The following SUN1 variants were observed in gnomAD, a reference collection of about 807,000 sequenced individuals.
SUN1 encodes Sad1 and UNC84 domain containing 1.
SUN1 carries 61 observed loss-of-function variants against 103.2 expected under a neutral mutation model. That is an observed-to-expected ratio of 0.59 (90% CI 0.48 to 0.73). The LOEUF is 0.73. Among genes scored for constraint, SUN1 ranks in the 30% least tolerant of loss-of-function variants. The probability of loss-of-function intolerance (pLI) is 0.00; values close to 1 mark genes in which losing one functional copy is unlikely to be tolerated. For missense variants in SUN1, 1,052 were observed against 1,034.6 expected, an observed-to-expected ratio of 1.02 and a Z score of -0.23; for synonymous variants, 490 against 425.7, an observed-to-expected ratio of 1.15 and a Z score of -1.86.
intron 17 of SUN1, 33 bp downstream of exon 17, chr7:869,549 C>T (rs1175206344): frequency 6.2e-7 from 1 of 1,602,054 alleles, no homozygotes; most frequent in East Asian, 2.2e-5. Flanking sequence ...CCTCCTCCCA[C>T]ACCTTCCTGG....
intron 12 of SUN1, 53 bp downstream of exon 12, chr7:856,454 A>G: frequency 6.2e-7 from 1 of 1,600,800 alleles, no homozygotes; most frequent in Non-Finnish European, 8.6e-7. Context: ...GTGTGTGGTT[A>G]TGTGGAGCGG....
At chr7:864,727 C>G (rs1368453622) in intron 15 of SUN1, among the ~76,000 whole-genome samples, 1 of 28,058 alleles carries the variant, frequency 3.6e-5, no homozygotes, top group African/African-American at 1.1e-4. Flanking sequence ...CTCCCGGCTT[C>G]AAGCAATTCT....
chr7:849,867 T>G (rs1584803632), intron 5 of SUN1: 1 of 1,537,278 alleles, frequency 6.5e-7, no homozygotes, highest in Middle Eastern at 1.7e-4. Context: ...ACGGCTGAGA[T>G]GGACAGAGTT....
At chr7:832,010 C>A, upstream of SUN1, 1 of 986,150 alleles carries the variant, frequency 1.0e-6, no homozygotes, top group Non-Finnish European at 1.2e-6. Context: ...TTTTGTTATT[C>A]ACCCTGCAGT....
chr7:829,252 T>C (rs1795671484), upstream of SUN1, among the ~76,000 whole-genome samples: 2 of 152,228 alleles, frequency 1.3e-5, no homozygotes, highest in African/African-American at 4.8e-5. Context: ...CGAGGCAGCC[T>C]CCTCTTCACA....
chr7:843,176 ATGTG>A (rs201385879), intron 3 of SUN1, 26 bp from the exon 4 acceptor site: 6 of 1,576,896 alleles, frequency 3.8e-6, no homozygotes, highest in Admixed American at 3.5e-5. Flanking sequence ...AACAGCAAAA[ATGTG>A]TGTGTGTGTG....
intron 1 of SUN1, among the ~76,000 whole-genome samples, chr7:820,880 T>C (rs983535125): frequency 1.3e-5 from 2 of 152,186 alleles, no homozygotes; most frequent in African/African-American, 4.8e-5. Flanking sequence ...TCTTACACCC[T>C]CACTTCCAAT....
chr7:822,723 A>G (rs1296577731), intron 1 of SUN1, among the ~76,000 whole-genome samples: 1 of 152,238 alleles, frequency 6.6e-6, no homozygotes, highest in Non-Finnish European at 1.5e-5. Flanking sequence ...GTATTCCAGA[A>G]CATGTAAGAC....
At chr7:868,311 C>T (rs570959642) in intron 16 of SUN1, among the ~76,000 whole-genome samples, 2 of 152,362 alleles carry the variant, frequency 1.3e-5, no homozygotes, top group African/African-American at 2.4e-5. Flanking sequence ...CAGTGCTCTC[C>T]GGTCACATCT....
upstream of SUN1, chr7:815,999 C>T (rs932747735): frequency 1.9e-5 from 4 of 207,360 alleles, no homozygotes; most frequent in East Asian, 1.8e-4. Context: ...CGCGGACGCC[C>T]TCCTGGAGAT....
chr7:869,703 C>T (rs1840016490), intron 17 of SUN1, among the ~76,000 whole-genome samples, 187 bp downstream of exon 17: 1 of 152,138 alleles, frequency 6.6e-6, no homozygotes, highest in Admixed American at 6.6e-5. Context: ...GGCATATTAC[C>T]TGATGTCCAT....
intron 1 of SUN1, among the ~76,000 whole-genome samples, chr7:824,883 G>A (rs1341482255): frequency 6.6e-6 from 1 of 152,128 alleles, no homozygotes; most frequent in African/African-American, 2.4e-5. Context: ...TCCGCTGGCT[G>A]GGTGCTCCAG....
rs1585208312 is a variant in SUN1, at chr7:865,937, G to A, written c.1865-15G>A. ...TGGAACTGGACACTGAGACCGATCT[G>A]AACTTTGCTTTAAGGTGGCAGCATC... is the stretch of plus-strand genomic sequence containing the variant. On this transcript the variant is annotated splice_polypyrimidine_tract_variant and intron_variant, in intron 15 of 18. Transcript: ENST00000401592. 2 of 1,612,020 alleles carry A rather than the reference G, an allele frequency of 1.2e-6. No individual in the cohort carries two copies. Among genetic ancestry groups the A allele is most frequent in the African/African-American group, 1.3e-5 (1 of 74,870 alleles).
chr7:843,834 A>G, intron 5 of SUN1: 6 of 1,383,592 alleles, frequency 4.3e-6, no homozygotes, highest in Non-Finnish European at 5.6e-6. Context: ...TTATTTTTAT[A>G]AAACGGCACA....
chr7:836,088 C>T (rs1266966988), intron 1 of SUN1, among the ~76,000 whole-genome samples: 2 of 152,354 alleles, frequency 1.3e-5, no homozygotes, highest in South Asian at 4.1e-4. Flanking sequence ...GGCGCTGCAA[C>T]CTGTCGGCTG....
intron 1 of SUN1, among the ~76,000 whole-genome samples, chr7:823,811 G>A (rs1042267691): frequency 3.3e-5 from 5 of 152,160 alleles, no homozygotes; most frequent in South Asian, 2.1e-4. Context: ...CATGGGGCAC[G>A]CGCCCTGGGG....
intron 1 of SUN1, among the ~76,000 whole-genome samples, chr7:825,706 A>G (rs1413145750): frequency 2.6e-5 from 4 of 152,222 alleles, no homozygotes; most frequent in Non-Finnish European, 4.4e-5. Flanking sequence ...TGGAGATGCA[A>G]TGCCAATTCT....
chr7:817,293 C>A, intron 1 of SUN1: 1 of 839,738 alleles, frequency 1.2e-6, no homozygotes, highest in African/African-American at 1.7e-5. Flanking sequence ...TGTGGTCTCT[C>A]CATGCTGCCC....
At chr7:853,887 G>A (rs367736334) in intron 10 of SUN1, among the ~76,000 whole-genome samples, 4 of 152,220 alleles carry the variant, frequency 2.6e-5, no homozygotes, top group African/African-American at 4.8e-5. Flanking sequence ...TCCAGCGGTC[G>A]TGGAGAACCG....
Sources: gnomAD v4.1 joint callset for allele counts (sites outside exome capture counted in the v4.1 genomes callset) on GRCh38, gnomAD v4.1.1 for gene constraint, MANE v1.5 for transcripts, NCBI Gene and HGNC (gene_info 2026-07-23, HGNC 2026-07-21) for gene names.